ADAMTS17: variants seen among roughly 807,000 people sequenced by gnomAD.
The protein encoded by ADAMTS17 is A disintegrin and metalloproteinase with thrombospondin motifs 17.
ADAMTS17 carries 113 observed loss-of-function variants against 141.5 expected under a neutral mutation model. The observed-to-expected ratio is 0.80, with a 90% CI of 0.69 to 0.93. ADAMTS17 has a LOEUF of 0.93. ADAMTS17 is among the 40% of genes least tolerant of loss of function. The pLI, the probability that ADAMTS17 is intolerant of heterozygous loss-of-function variation, is 0.00. For missense variants in ADAMTS17, 1,659 were observed against 1,517.9 expected, an observed-to-expected ratio of 1.09 and a Z score of -1.54; for synonymous variants, 768 against 630.6, an observed-to-expected ratio of 1.22 and a Z score of -3.27.
At chr15:100,297,760 T>C (rs2044874912) in intron 3 of ADAMTS17, among the ~76,000 whole-genome samples, 1 of 152,244 alleles carries the variant, frequency 6.6e-6, no homozygotes, top group Non-Finnish European at 1.5e-5. Flanking sequence ...GAATACTTCA[T>C]TCCAATGCCT....
chr15:100,090,411 A>C (rs1039047756), intron 15 of ADAMTS17, among the ~76,000 whole-genome samples: 3 of 152,228 alleles, frequency 2.0e-5, no homozygotes, highest in Non-Finnish European at 2.9e-5. Flanking sequence ...GATCTGCAGA[A>C]TCCGACAGAG....
At chr15:100,044,787 G>C (rs1567081798) in intron 18 of ADAMTS17, among the ~76,000 whole-genome samples, 1 of 150,674 alleles carries the variant, frequency 6.6e-6, no homozygotes, top group Non-Finnish European at 1.5e-5. Flanking sequence ...AAGAAGATGA[G>C]AACTGGATAT....
chr15:100,087,533 C>A (rs575726207), intron 15 of ADAMTS17, among the ~76,000 whole-genome samples: 14 of 151,878 alleles, frequency 9.2e-5, no homozygotes, highest in African/African-American at 2.7e-4. Flanking sequence ...GAGACACAAC[C>A]AAAAAAGAGA....
intron 8 of ADAMTS17, among the ~76,000 whole-genome samples, chr15:100,184,218 G>C (rs2141549347): frequency 6.6e-6 from 1 of 152,280 alleles, no homozygotes; most frequent in South Asian, 2.1e-4. Context: ...TGTCTCCCCA[G>C]TCCATTGGCC....
intron 10 of ADAMTS17, among the ~76,000 whole-genome samples, chr15:100,144,904 A>G (rs2038829368): frequency 1.3e-5 from 2 of 152,046 alleles, no homozygotes; most frequent in African/African-American, 4.8e-5. Flanking sequence ...AAAACTGCCC[A>G]TCACTAGTCA....
intron 10 of ADAMTS17, among the ~76,000 whole-genome samples, chr15:100,146,535 T>C (rs11247159): frequency 0.96 from 146,617 of 152,300 alleles, 70,816 homozygotes; most frequent in East Asian, 1. Context: ...TTGTGTTAAC[T>C]GCACAAATTG....
intron 3 of ADAMTS17, chr15:100,306,241 C>T (rs2045220944): frequency 3.0e-6 from 1 of 338,164 alleles, no homozygotes; most frequent in African/African-American, 2.2e-5. Context: ...GGGTCTATCT[C>T]TCTGCCCTTG....
intron 7 of ADAMTS17, among the ~76,000 whole-genome samples, chr15:100,216,298 G>GT (rs1357105551): frequency 6.6e-6 from 1 of 152,246 alleles, no homozygotes; most frequent in Non-Finnish European, 1.5e-5. Context: ...TTAACAGAAA[G>GT]TATTTCTCAA....
intron 4 of ADAMTS17, among the ~76,000 whole-genome samples, chr15:100,264,202 C>T (rs2043630647): frequency 6.6e-6 from 1 of 152,212 alleles, no homozygotes; most frequent in African/African-American, 2.4e-5. Context: ...ACTGGACCAT[C>T]CACAAGCCAG....
intron 15 of ADAMTS17, among the ~76,000 whole-genome samples, chr15:100,088,327 T>C (rs906417077): frequency 2.2e-4 from 33 of 152,006 alleles, no homozygotes; most frequent in African/African-American, 1.9e-4. Context: ...CACTGCTCAA[T>C]GAAATAAAAG....
chr15:100,161,396 G>C (rs1036414763), intron 8 of ADAMTS17, among the ~76,000 whole-genome samples: 5 of 152,044 alleles, frequency 3.3e-5, no homozygotes, highest in Non-Finnish European at 7.3e-5. Flanking sequence ...CCTCAAAGTA[G>C]TCTTGGCTGA....
intron 20 of ADAMTS17, 58 bp from the exon 21 acceptor site, chr15:99,976,280 G>A: frequency 6.5e-7 from 1 of 1,528,524 alleles, no homozygotes; most frequent in Admixed American, 2.0e-5. Flanking sequence ...CTGGGATGAT[G>A]GCCTCACAAT....
At chr15:99,975,366 C>A (rs764055619) in intron 21 of ADAMTS17, among the ~76,000 whole-genome samples, 2 of 152,160 alleles carry the variant, frequency 1.3e-5, no homozygotes, top group East Asian at 3.9e-4. Context: ...CACGCCACCA[C>A]GCCCGGCTGA....
intron 18 of ADAMTS17, among the ~76,000 whole-genome samples, chr15:100,006,756 T>A (rs1001003700): frequency 6.6e-6 from 1 of 152,202 alleles, no homozygotes; most frequent in African/African-American, 2.4e-5. Context: ...GTTCCCCACA[T>A]TCACTCAGTT....
chr15:100,079,797 T>C (rs917866408), intron 15 of ADAMTS17, among the ~76,000 whole-genome samples: 3 of 152,156 alleles, frequency 2.0e-5, no homozygotes, highest in African/African-American at 7.2e-5. Context: ...TTATCCACCA[T>C]CATGGTATTC....
chr15:99,974,356 G>C lies in ADAMTS17; in HGVS notation c.*46C>G, dbSNP rs2581340. ...GGCTGGTAGGCTTGCGGGTGGGTGG[G>C]TTTCAGACCTGAGTCTGAGCTTTGA... On this transcript the variant is annotated 3_prime_UTR_variant, in exon 22 of 22. Coordinates refer to ENST00000268070, the MANE Select transcript of ADAMTS17 (RefSeq NM_139057.4). 1,049,622 of 1,612,102 alleles carry C rather than the reference G, an allele frequency of 0.65. 344,021 individuals carry two copies. The highest frequency in any genetic ancestry group is 0.67 in the Non-Finnish European group (785,123 of 1,179,468).
rs148643399 is a variant in ADAMTS17 at position 100,320,928 on chromosome 15, C to A, written c.616+9961G>T. 3.6e-3 allele frequency among the ~76,000 whole-genome samples: 549 copies of A among 152,280 alleles called. 2 individuals are homozygous for A. The highest frequency in any genetic ancestry group is 0.012 in the African/African-American group (510 of 41,558). On this transcript the variant is annotated intron_variant, in intron 3 of 21. Transcript: ENST00000268070. Reference sequence around the variant, plus strand: ...TTGCAAACCCTCATTTAAAAATGTTCTTCAAGGACATTAAGCCCAGGGAAG... The same window carrying A: ...TTGCAAACCCTCATTTAAAAATGTTATTCAAGGACATTAAGCCCAGGGAAG...
chr15:100,155,185 GA>G lies in ADAMTS17; in HGVS notation c.1316del (p.Phe439SerfsTer11). Reference sequence around the variant, plus strand: ...AGAATAATTCCAGGACTTACTTGAGGAAGTTTTCAAGGTCATCTCGGCTGCA... The same window carrying G: ...AGAATAATTCCAGGACTTACTTGAGGAGTTTTCAAGGTCATCTCGGCTGCA... ...SSCSRDDLEN[F>X]LKSKVSTCLL... On this transcript the variant is annotated frameshift_variant, in exon 9 of 22. Coordinates refer to ENST00000268070, the MANE Select transcript of ADAMTS17 (RefSeq NM_139057.4). LOFTEE classifies it high-confidence loss of function. The G allele has an allele frequency of 6.2e-7, 1 of 1,614,206 alleles. No individual in the cohort carries two copies. The highest frequency in any genetic ancestry group is 8.5e-7 in the Non-Finnish European group (1 of 1,180,040).
At chr15:100,199,510 C>A in intron 7 of ADAMTS17, 87 bp from the exon 8 acceptor site, 1 of 1,088,376 alleles carries the variant, frequency 9.2e-7, no homozygotes, top group Admixed American at 1.7e-5. Flanking sequence ...ACGTCATGCA[C>A]AATCAAGGCA....
Sources: allele counts gnomAD v4.1 joint callset (sites outside exome capture counted in the v4.1 genomes callset), GRCh38; gene constraint gnomAD v4.1.1; transcripts MANE v1.5; gene names NCBI Gene and HGNC (gene_info 2026-07-23, HGNC 2026-07-21).